Variants in PLPP4 observed in about 807,000 individuals in gnomAD.
PLPP4 encodes the protein phospholipid phosphatase 4.
PLPP4 carries 20 observed loss-of-function variants against 32.2 expected under a neutral mutation model. The ratio of observed to expected loss-of-function variants is 0.62; its 90% confidence interval spans 0.44 to 0.90. The LOEUF is 0.90. Among genes scored for constraint, PLPP4 ranks in the 40% least tolerant of loss-of-function variants. The pLI is 0.00. For missense variants in PLPP4, 257 were observed against 353.1 expected, an observed-to-expected ratio of 0.73 and a Z score of 2.18; for synonymous variants, 127 against 133.0, an observed-to-expected ratio of 0.95 and a Z score of 0.31.
At chr10:120,527,363 C>A (rs1280603013) in intron 5 of PLPP4, among the ~76,000 whole-genome samples, 1 of 152,176 alleles carries the variant, frequency 6.6e-6, no homozygotes, top group African/African-American at 2.4e-5. Flanking sequence ...TCCTTCTTAT[C>A]TGGGAAACCT....
chr10:120,462,342 G>A (rs1848092675), intron 1 of PLPP4, among the ~76,000 whole-genome samples: 1 of 152,130 alleles, frequency 6.6e-6, no homozygotes, highest in Non-Finnish European at 1.5e-5. Context: ...GGGGCCTGGA[G>A]GTTTGAAACA....
At chr10:120,569,494 T>C (rs1738294000) in intron 5 of PLPP4, among the ~76,000 whole-genome samples, 1 of 152,230 alleles carries the variant, frequency 6.6e-6, no homozygotes, top group African/African-American at 2.4e-5. Context: ...TGCTTTTTTC[T>C]GTTTGCATTT....
At chr10:120,497,691 A>G (rs1845034373) in intron 1 of PLPP4, among the ~76,000 whole-genome samples, 1 of 152,124 alleles carries the variant, frequency 6.6e-6, no homozygotes, top group Admixed American at 6.6e-5. Flanking sequence ...ATTAAGGAGA[A>G]AATATATATA....
At chr10:120,553,914 T>C (rs1848028297) in intron 5 of PLPP4, among the ~76,000 whole-genome samples, 1 of 152,210 alleles carries the variant, frequency 6.6e-6, no homozygotes, top group Non-Finnish European at 1.5e-5. Flanking sequence ...CATGAAGGTC[T>C]CTAAAATGCC....
intron 1 of PLPP4, among the ~76,000 whole-genome samples, chr10:120,470,711 T>C (rs1848479373): frequency 6.6e-6 from 1 of 152,198 alleles, no homozygotes; most frequent in Admixed American, 6.5e-5. Context: ...ATTGTCTCAA[T>C]TAATATTTTA....
intron 5 of PLPP4, among the ~76,000 whole-genome samples, chr10:120,545,757 T>C (rs1847584654): frequency 6.6e-6 from 1 of 152,166 alleles, no homozygotes; most frequent in African/African-American, 2.4e-5. Context: ...GAGTGTCAAC[T>C]TGATTGGGTT....
intron 5 of PLPP4, among the ~76,000 whole-genome samples, chr10:120,566,347 A>G (rs886695882): frequency 4.6e-5 from 7 of 152,098 alleles, no homozygotes; most frequent in African/African-American, 1.7e-4. Flanking sequence ...TGACAGCACT[A>G]ACTACCCCAG....
chr10:120,503,938 G>T lies in PLPP4; in HGVS notation c.165+12G>T, dbSNP rs767120382. 6.6e-7 allele frequency: 1 copy of T among 1,526,046 alleles called. No homozygotes were observed. The highest frequency in any genetic ancestry group is 1.1e-5 in the South Asian group (1 of 88,780). The allele number at this position is 1,526,046 out of a possible 1,614,324, so 94.5% of individuals were successfully genotyped here. ...CCCGCCTCATGTTTGTAAGTACCAT[G>T]ATTTCATTCCTTATTTGACTGCTCT... On this transcript the variant is annotated intron_variant, in intron 2 of 6. Coordinates refer to ENST00000398250, the MANE Select transcript of PLPP4 (RefSeq NM_001030059.3).
intron 6 of PLPP4, among the ~76,000 whole-genome samples, chr10:120,588,513 A>T (rs1849867480): frequency 6.6e-6 from 1 of 152,210 alleles, no homozygotes; most frequent in African/African-American, 2.4e-5. Flanking sequence ...GGTTCATTTC[A>T]TCCCTGGGAA....
chr10:120,590,192 C>T lies in PLPP4; in HGVS notation c.*690C>T, dbSNP rs1849950722. Among the ~76,000 whole-genome samples the T allele has an allele frequency of 6.6e-6, 1 of 152,200 alleles. No homozygotes were observed. The highest frequency in any genetic ancestry group is 1.5e-5 in the Non-Finnish European group (1 of 68,036). ...CAGCAGTTGCCTGAGGGTTCATGGG[C>T]ACAATATCCTTCCCATCTTCCAGTC... On this transcript the variant is annotated 3_prime_UTR_variant, in exon 7 of 7. Coordinates refer to ENST00000398250, the MANE Select transcript of PLPP4 (RefSeq NM_001030059.3).
intron 5 of PLPP4, among the ~76,000 whole-genome samples, chr10:120,531,872 CTA>C (rs1564820889): frequency 4.4e-5 from 2 of 45,516 alleles, no homozygotes; most frequent in African/African-American, 6.2e-5. Context: ...ACTACACACA[CTA>C]CACACACACA....
At chr10:120,474,532 A>G (rs537494944) in intron 1 of PLPP4, among the ~76,000 whole-genome samples, 1 of 152,264 alleles carries the variant, frequency 6.6e-6, no homozygotes, top group East Asian at 1.9e-4. Flanking sequence ...GTTCCTGGAT[A>G]TATTATGTTT....
chr10:120,489,964 C>T (rs1340025241), intron 1 of PLPP4, among the ~76,000 whole-genome samples: 2 of 152,198 alleles, frequency 1.3e-5, no homozygotes, highest in Non-Finnish European at 2.9e-5. Context: ...GCTGGGGATA[C>T]AGCTCAGACC....
At chr10:120,564,926 A>G (rs1184228819) in intron 5 of PLPP4, among the ~76,000 whole-genome samples, 1 of 151,974 alleles carries the variant, frequency 6.6e-6, no homozygotes, top group East Asian at 1.9e-4. Context: ...TTATTCGTAT[A>G]TTCTTTATAT....
chr10:120,545,637 T>A (rs1847578552), intron 5 of PLPP4, among the ~76,000 whole-genome samples: 1 of 152,178 alleles, frequency 6.6e-6, no homozygotes, highest in African/African-American at 2.4e-5. Flanking sequence ...GGGTCCTGAA[T>A]GTTGTCTCGT....
intron 5 of PLPP4, among the ~76,000 whole-genome samples, chr10:120,556,062 G>A (rs189541082): frequency 6.6e-6 from 1 of 152,318 alleles, no homozygotes; most frequent in Admixed American, 6.5e-5. Context: ...ACTCCATTCT[G>A]TGACTATTGC....
intron 1 of PLPP4, among the ~76,000 whole-genome samples, chr10:120,480,886 C>T (rs1038082326): frequency 2.6e-5 from 4 of 152,220 alleles, no homozygotes; most frequent in African/African-American, 9.6e-5. Flanking sequence ...ATCTGAGGAG[C>T]TTTCCCTAAG....
intron 5 of PLPP4, among the ~76,000 whole-genome samples, chr10:120,528,682 C>G (rs1234492339): frequency 6.6e-6 from 1 of 152,134 alleles, no homozygotes; most frequent in Non-Finnish European, 1.5e-5. Flanking sequence ...CCCCCTAGAT[C>G]CTGGGAGGCT....
At position 120,540,127 on chromosome 10, in the gene PLPP4, A is replaced by T. The variant is rs1346044921; in HGVS notation, c.445+19032A>T. ...TAAGATTCTAATTATTTTCTATCAA[A>T]ACTATTTTCTTCCAAAAAAGAAGAA... On this transcript the variant is annotated intron_variant, in intron 5 of 6. Transcript: ENST00000398250. 2.6e-5 allele frequency among the ~76,000 whole-genome samples: 4 copies of T among 152,130 alleles called. No homozygotes were observed. In the East Asian group the frequency reaches 7.7e-4, roughly 29 times the overall value.
Sources: allele counts gnomAD v4.1 joint callset (sites outside exome capture counted in the v4.1 genomes callset), GRCh38; gene constraint gnomAD v4.1.1; transcripts MANE v1.5; gene names NCBI Gene and HGNC (gene_info 2026-07-23, HGNC 2026-07-21).